Variants in CASS4 observed in about 807,000 individuals in gnomAD.
CASS4 encodes Cas scaffold protein family member 4.
Under a neutral mutation model 54.2 loss-of-function variants are expected in CASS4, and 22 were observed. That is an observed-to-expected ratio of 0.41 (90% confidence interval 0.29 to 0.58). CASS4 has a LOEUF of 0.58. CASS4 is among the 20% of genes least tolerant of loss of function. The pLI is 0.36. For missense variants in CASS4, 854 were observed against 986.7 expected, an observed-to-expected ratio of 0.87 and a Z score of 1.80; for synonymous variants, 409 against 391.5, an observed-to-expected ratio of 1.04 and a Z score of -0.53.
At chr20:56,450,530 G>A (rs1329425196) in intron 3 of CASS4, 69 bp from the exon 4 acceptor site, 4 of 1,358,938 alleles carry the variant, frequency 2.9e-6, no homozygotes, top group Non-Finnish European at 4.2e-6. Context: ...CTGGAATAGG[G>A]AGTGTTCGTG....
At chr20:56,413,919 T>C (rs1979010778) in intron 1 of CASS4, among the ~76,000 whole-genome samples, 1 of 152,064 alleles carries the variant, frequency 6.6e-6, no homozygotes, top group African/African-American at 2.4e-5. Context: ...TTTGTGTGCA[T>C]TTATTTGTGT....
intron 1 of CASS4, among the ~76,000 whole-genome samples, chr20:56,417,763 A>G (rs538130215): frequency 3.3e-5 from 5 of 152,330 alleles, no homozygotes; most frequent in South Asian, 2.1e-4. Context: ...GTGTTTGGCA[A>G]CGGAGGTCAT....
intron 5 of CASS4, 43 bp downstream of exon 5, chr20:56,453,172 G>T: frequency 7.1e-7 from 1 of 1,413,598 alleles, no homozygotes. Flanking sequence ...GGCTTCAATT[G>T]TTACCTGGAG....
intron 5 of CASS4, among the ~76,000 whole-genome samples, chr20:56,457,956 A>G (rs1981376455): frequency 1.3e-5 from 2 of 150,804 alleles, no homozygotes; most frequent in Admixed American, 1.3e-4. Context: ...TGGAGGTTGC[A>G]GTAAGCTGAG....
Position 56,448,694 on chromosome 20 carries a change from G to T in CASS4, c.562-1905G>T, listed in dbSNP as rs142933347. 3.0e-3 allele frequency among the ~76,000 whole-genome samples: 459 copies of T among 152,132 alleles called. 4 individuals are homozygous for T. Among genetic ancestry groups the T allele is most frequent in the African/African-American group, 0.01 (423 of 41,492 alleles). On this transcript the variant is annotated intron_variant, in intron 3 of 5. Coordinates refer to ENST00000679887, the MANE Select transcript of CASS4 (RefSeq NM_020356.4). ...CTCTTTCTTTGCAAAACCTATTTTG[G>T]TGCTCTCTTGCCTTGCTTTGGAATT...
intron 1 of CASS4, among the ~76,000 whole-genome samples, chr20:56,436,139 T>A (rs1487126754): frequency 6.6e-6 from 1 of 151,886 alleles, no homozygotes; most frequent in Non-Finnish European, 1.5e-5. Flanking sequence ...AATAGCCAAG[T>A]GAGGTGTGGG....
chr20:56,454,841 A>G (rs1981212467), intron 5 of CASS4, among the ~76,000 whole-genome samples: 1 of 152,206 alleles, frequency 6.6e-6, no homozygotes. Flanking sequence ...CATGACCCAC[A>G]TGGGCGAGAG....
At chr20:56,453,223 A>G in intron 5 of CASS4, 94 bp downstream of exon 5, 1 of 878,634 alleles carries the variant, frequency 1.1e-6, no homozygotes, top group Non-Finnish European at 1.7e-6. Context: ...CATAGTGTAT[A>G]GGCTTTGGGG....
intron 2 of CASS4, among the ~76,000 whole-genome samples, chr20:56,439,794 G>A (rs1980373146): frequency 6.6e-6 from 1 of 152,202 alleles, no homozygotes; most frequent in African/African-American, 2.4e-5. Flanking sequence ...GCCTTCATGA[G>A]GTGTTGAGAT....
intron 1 of CASS4, among the ~76,000 whole-genome samples, chr20:56,413,295 G>C (rs1234866215): frequency 6.6e-6 from 1 of 151,924 alleles, no homozygotes; most frequent in African/African-American, 2.4e-5. Context: ...TAAATTTTAA[G>C]TAGAACAGGA....
At position 56,458,719 on chromosome 20, in the gene CASS4, C is replaced by T. The variant is rs369501809; in HGVS notation, c.2333C>T (p.Thr778Met). 2.5e-6 allele frequency: 4 copies of T among 1,608,968 alleles called. No individual in the cohort carries two copies. The highest frequency in any genetic ancestry group is 1.7e-5 in the Admixed American group (1 of 59,738). The change falls in exon 6 of 6, where the codon ACG becomes ATG. Residue 778 changes from threonine to methionine, a missense_variant. Thr to Met is a moderately conservative substitution (Grantham distance 81). Coordinates refer to ENST00000679887, the MANE Select transcript of CASS4 (RefSeq NM_020356.4). ...GAGGCTGAGAAGCTGGAGCAACACA[C>T]GCGGCAGTTCAGAGGGACACTGGGA... ...QAEAEKLEQHTRQFRGTLG is the reference protein window; with the variant it reads ...QAEAEKLEQHMRQFRGTLG
At chr20:56,415,348 C>T (rs901652547) in intron 1 of CASS4, among the ~76,000 whole-genome samples, 1 of 152,116 alleles carries the variant, frequency 6.6e-6, no homozygotes, top group Admixed American at 6.6e-5. Flanking sequence ...CACCCACCCA[C>T]GCAGTACCAG....
In CASS4 at chr20:56,417,321, G is replaced by C. The variant is rs530427713; in HGVS notation, c.36+4827G>C. ...TTCAGGGCCCATTAGATCCCACTCC[G>C]AGCAGCTCTCCTGCCTCAGTTCCTT... On this transcript the variant is annotated intron_variant, in intron 1 of 5. Transcript: ENST00000679887. Among the ~76,000 whole-genome samples, 6 of 152,262 alleles carry C rather than the reference G, an allele frequency of 3.9e-5. No individual in the cohort carries two copies. In the East Asian group the frequency reaches 1.2e-3, roughly 29 times the overall value.
At chr20:56,451,498 A>G (rs59500684) in intron 4 of CASS4, among the ~76,000 whole-genome samples, 13,255 of 118,790 alleles carry the variant, frequency 0.11, 1,245 homozygotes, top group African/African-American at 0.29. Context: ...GATGGAAAAG[A>G]AAGGGTTGCC....
intron 1 of CASS4, among the ~76,000 whole-genome samples, chr20:56,417,405 C>T (rs1464822082): frequency 6.6e-6 from 1 of 152,238 alleles, no homozygotes; most frequent in East Asian, 1.9e-4. Context: ...AGCATCGCCT[C>T]ACCCAGAGGC....
At chr20:56,434,659 A>G (rs1331307392) in intron 1 of CASS4, among the ~76,000 whole-genome samples, 2 of 149,984 alleles carry the variant, frequency 1.3e-5, no homozygotes, top group Non-Finnish European at 3.0e-5. Context: ...ATTTGCCAGG[A>G]TGGTCTCAAA....
rs35217347 is a variant in CASS4, at chr20:56,413,672, CAAAAAA to C, written c.36+1200_36+1205del. Among the ~76,000 whole-genome samples, 144 of 28,298 alleles carry C rather than the reference CAAAAAA, an allele frequency of 5.1e-3. 1 individual carries two copies. Among genetic ancestry groups the C allele is most frequent in the Admixed American group, 0.039 (106 of 2,744 alleles). 18.6% of individuals were successfully genotyped at this position (28,298 alleles called of 152,430 possible). A position where few individuals can be genotyped will look rare whatever the true frequency, so the allele number is the denominator to read the frequency against. The stretch of plus-strand genomic sequence containing the variant: ...TGGGTGACAGAGCAAGACTCTGTCT[CAAAAAA>C]AAAAAAAAAAAAAAAAAAAAAGTCA... On this transcript the variant is annotated intron_variant, in intron 1 of 5. Coordinates refer to ENST00000679887, the MANE Select transcript of CASS4 (RefSeq NM_020356.4).
intron 1 of CASS4, among the ~76,000 whole-genome samples, chr20:56,419,398 C>T (rs1260787891): frequency 6.6e-6 from 1 of 152,134 alleles, no homozygotes; most frequent in Non-Finnish European, 1.5e-5. Flanking sequence ...TATGCGTGGC[C>T]TCTTGTTCCT....
At position 56,412,424 on chromosome 20, in the gene CASS4, T is replaced by C; in HGVS notation, c.-35T>C. On this transcript the variant is annotated 5_prime_UTR_variant, in exon 1 of 6. Transcript: ENST00000679887. This position sits in a 1 kb window ranked among gnomAD's most constrained non-coding sequence, Gnocchi z 4.2. ...TGCCTCTGAAGCTGGAGATACTAGC[T>C]GCAGAGCTCAGGGGAGCTGCTCCAC... 6.2e-7 allele frequency: 1 copy of C among 1,610,292 alleles called. No individual in the cohort carries two copies. The highest frequency in any genetic ancestry group is 8.5e-7 in the Non-Finnish European group (1 of 1,178,054).
Sources: allele counts gnomAD v4.1 joint callset (sites outside exome capture counted in the v4.1 genomes callset), GRCh38; gene constraint gnomAD v4.1.1; non-coding constraint Gnocchi (gnomAD v3.1); transcripts MANE v1.5; gene names NCBI Gene and HGNC (gene_info 2026-07-23, HGNC 2026-07-21).